Variants in NEDD4 observed in about 807,000 individuals in gnomAD.
The protein encoded by NEDD4 is NEDD4 E3 ubiquitin protein ligase.
A neutral mutation model predicts 144.9 loss-of-function variants in NEDD4; 99 were observed. The observed-to-expected ratio is 0.68, with a 90% CI of 0.58 to 0.81. The LOEUF is 0.81. Among genes scored for constraint, NEDD4 ranks in the 30% least tolerant of loss-of-function variants. The pLI is 0.00. For missense variants in NEDD4, 985 were observed against 1,065.9 expected, an observed-to-expected ratio of 0.92 and a Z score of 1.06; for synonymous variants, 318 against 350.6, an observed-to-expected ratio of 0.91 and a Z score of 1.04.
rs762410353 is a variant in NEDD4, at chr15:55,860,772, G to C, written c.681C>G (p.Asn227Lys). The change falls in exon 10 of 29, where the codon AAC (asparagine) becomes AAG (lysine). Residue 227 changes from asparagine (N) to lysine (K), a missense_variant. Coordinates refer to ENST00000435532, the MANE Select transcript of NEDD4 (RefSeq NM_006154.4). ...TGTTGCCATTCTCAGCATCTGTTAG[G>C]TTGTCCCTATATTGGAAGTATAAAA... The part of the protein sequence containing the change: ...TQWKRPTPQD[N>K]LTDAENGNIQ... 1.2e-6 allele frequency: 2 copies of C among 1,613,698 alleles called. No individual in the cohort carries two copies. Among genetic ancestry groups the C allele is most frequent in the South Asian group, 2.2e-5 (2 of 91,046 alleles).
At chr15:55,876,435 G>A (rs1348833405) in intron 5 of NEDD4, among the ~76,000 whole-genome samples, 1 of 151,852 alleles carries the variant, frequency 6.6e-6, no homozygotes, top group East Asian at 1.9e-4. Flanking sequence ...CTATACTATG[G>A]GTTTAAAATA....
intron 4 of NEDD4, among the ~76,000 whole-genome samples, chr15:55,931,773 T>G (rs191433322): frequency 6.3e-4 from 96 of 152,360 alleles, no homozygotes; most frequent in Middle Eastern, 3.4e-3. Flanking sequence ...ATAATTCACA[T>G]AGCATACACT....
At chr15:55,945,972 C>T (rs1368567598) in intron 4 of NEDD4, among the ~76,000 whole-genome samples, 1 of 152,126 alleles carries the variant, frequency 6.6e-6, no homozygotes, top group Non-Finnish European at 1.5e-5. Flanking sequence ...TTTGTCACCA[C>T]CAGGCCTGCC....
chr15:55,860,691 T>C lies in NEDD4; in HGVS notation c.762A>G (p.Thr254=). 6.2e-7 allele frequency: 1 copy of C among 1,614,222 alleles called. No individual in the cohort carries two copies. The highest frequency in any genetic ancestry group is 8.5e-7 in the Non-Finnish European group (1 of 1,180,010). The stretch of plus-strand genomic sequence containing the variant: ...AAGACTCTCGGTTGTCAACACTTTC[T>C]GTTTCCTCGGATATCTGCCGCCTGG... ...FTTRRQISEE[T]ESVDNRESSE... The change falls in exon 10 of 29, where the codon ACA becomes ACG. Residue 254 remains threonine, a synonymous_variant. Coordinates refer to ENST00000435532, the MANE Select transcript of NEDD4 (RefSeq NM_006154.4).
intron 27 of NEDD4, 79 bp from the exon 28 acceptor site, chr15:55,830,665 C>T: frequency 1.9e-6 from 2 of 1,057,256 alleles, no homozygotes; most frequent in Non-Finnish European, 3.0e-6. Context: ...CTAGTGTACA[C>T]TAGTTCCTAC....
intron 11 of NEDD4, among the ~76,000 whole-genome samples, chr15:55,858,717 C>A (rs972915693): frequency 2.6e-5 from 4 of 152,134 alleles, no homozygotes; most frequent in Non-Finnish European, 5.9e-5. Flanking sequence ...GGCAGGCAGG[C>A]GGATTTACTG....
chr15:55,969,283 G>A (rs1238053395), intron 1 of NEDD4, among the ~76,000 whole-genome samples: 1 of 152,080 alleles, frequency 6.6e-6, no homozygotes, highest in African/African-American at 2.4e-5. Flanking sequence ...AGCAGTTTAA[G>A]GCTAAGTTTG....
At chr15:55,902,055 G>T (rs2035930310) in intron 5 of NEDD4, among the ~76,000 whole-genome samples, 1 of 152,134 alleles carries the variant, frequency 6.6e-6, no homozygotes. Flanking sequence ...CCTAAATACA[G>T]TGCGGCAATT....
intron 4 of NEDD4, among the ~76,000 whole-genome samples, chr15:55,949,970 C>G: frequency 6.6e-6 from 1 of 150,738 alleles, no homozygotes; most frequent in South Asian, 2.1e-4. Context: ...AAAGAAAATA[C>G]ATATGTTTCT....
At chr15:55,913,155 G>A (rs1165952653) in intron 5 of NEDD4, among the ~76,000 whole-genome samples, 1 of 152,052 alleles carries the variant, frequency 6.6e-6, no homozygotes, top group Non-Finnish European at 1.5e-5. Flanking sequence ...TTTCACGGCT[G>A]CTCAGTACAG....
intron 5 of NEDD4, among the ~76,000 whole-genome samples, chr15:55,903,194 C>T (rs2142161373): frequency 6.6e-6 from 1 of 152,104 alleles, no homozygotes; most frequent in Non-Finnish European, 1.5e-5. Context: ...GGAATTTTTC[C>T]TTTAGACAAC....
chr15:55,869,771 C>T, intron 7 of NEDD4, 90 bp from the exon 8 acceptor site: 1 of 797,938 alleles, frequency 1.3e-6, no homozygotes, highest in Non-Finnish European at 2.0e-6. Context: ...CCACTAGGTA[C>T]CAGGGGGTCT....
intron 12 of NEDD4, among the ~76,000 whole-genome samples, chr15:55,854,105 C>G (rs1321559906): frequency 6.6e-6 from 1 of 152,000 alleles, no homozygotes; most frequent in South Asian, 2.1e-4. Context: ...GAGCCGAGAT[C>G]GCCTGGGCAC....
At chr15:55,892,211 G>A (rs975619259) in intron 5 of NEDD4, among the ~76,000 whole-genome samples, 18 of 151,468 alleles carry the variant, frequency 1.2e-4, no homozygotes, top group African/African-American at 4.1e-4. Context: ...AGGCTGCAGT[G>A]AGCTGAGATC....
intron 4 of NEDD4, among the ~76,000 whole-genome samples, chr15:55,929,234 G>A (rs576306016): frequency 2.0e-5 from 3 of 152,218 alleles, no homozygotes; most frequent in South Asian, 2.1e-4. Flanking sequence ...ACACATGCAC[G>A]AGCACGCACG....
chr15:55,860,340 T>C lies in NEDD4; in HGVS notation c.960+67A>G, dbSNP rs2034348705. ...AGACAAAATTTTACATAAAAGTTAGTTGTTGAATAGTATAATATGCATAAT... is the reference window on the plus strand; with the variant it reads ...AGACAAAATTTTACATAAAAGTTAGCTGTTGAATAGTATAATATGCATAAT... On this transcript the variant is annotated intron_variant, in intron 11 of 28. Coordinates refer to ENST00000435532, the MANE Select transcript of NEDD4 (RefSeq NM_006154.4). 2.0e-6 allele frequency: 3 copies of C among 1,472,916 alleles called. No homozygotes were observed. The South Asian group carries it at 3.8e-5, about 19-fold the overall frequency. The allele number at this position is 1,472,916 out of a possible 1,614,324, so 91.2% of individuals were successfully genotyped here. A position where few individuals can be genotyped will look rare whatever the true frequency, so the allele number is the denominator to read the frequency against.
chr15:55,930,169 A>G (rs930966195), intron 4 of NEDD4, among the ~76,000 whole-genome samples: 15 of 152,208 alleles, frequency 9.9e-5, no homozygotes, highest in African/African-American at 3.6e-4. Context: ...CTCACAAGAT[A>G]AGAATATTTT....
chr15:55,951,633 G>A (rs71476755), intron 2 of NEDD4, 44 bp from the exon 3 acceptor site: 121,157 of 1,364,172 alleles, frequency 0.089, 6,049 homozygotes, highest in Non-Finnish European at 0.1. Context: ...TTTAATTATT[G>A]CTTACCCCAA....
chr15:55,859,034 A>C (rs2034302468), intron 11 of NEDD4, among the ~76,000 whole-genome samples: 1 of 152,214 alleles, frequency 6.6e-6, no homozygotes, highest in Non-Finnish European at 1.5e-5. Context: ...GGCAGGAGAT[A>C]TTGTTAATTT....
Sources: allele counts gnomAD v4.1 joint callset (sites outside exome capture counted in the v4.1 genomes callset), GRCh38; gene constraint gnomAD v4.1.1; transcripts MANE v1.5; gene names NCBI Gene and HGNC (gene_info 2026-07-23, HGNC 2026-07-21).